The following SIPA1L1 variants were observed in gnomAD, a reference collection of about 807,000 sequenced individuals.
SIPA1L1 encodes signal-induced proliferation-associated 1-like protein 1.
Under a neutral mutation model 162.7 loss-of-function variants are expected in SIPA1L1, and 26 were observed. The observed-to-expected ratio is 0.16, with a 90% CI of 0.12 to 0.22. The LOEUF (loss-of-function observed/expected upper bound fraction) is 0.22. SIPA1L1 is among the 10% of genes least tolerant of loss of function. SIPA1L1 has a pLI of 1.00. For synonymous variants in SIPA1L1, 829 were observed against 837.4 expected, an observed-to-expected ratio of 0.99 and a Z score of 0.17; for missense variants, 1,874 against 2,241.0, an observed-to-expected ratio of 0.84 and a Z score of 3.31.
rs199597701 is a variant in SIPA1L1 at position 71,685,624 on chromosome 14, G to C, written c.3367G>C (p.Glu1123Gln). The change falls in exon 13 of 24, where the codon GAG (glutamate) becomes CAG (glutamine). Residue 1123 changes from glutamate to glutamine, a missense_variant. This residue lies in a region of SIPA1L1 where 936 missense variants were observed against 1,051.9 expected (regional missense o/e 0.89). Coordinates refer to ENST00000381232, the MANE Select transcript of SIPA1L1 (RefSeq NM_001386936.1). ...RSISSDGRPL[E>Q]RRLSPGSDIY... ...CATCTCCAGTGACGGGCGCCCACTA[G>C]AGAGGCGGTAAGTGTGCCTTCAAAG... 3.1e-6 allele frequency: 5 copies of C among 1,614,038 alleles called. No individual in the cohort carries two copies. The highest frequency in any genetic ancestry group is 8.5e-7 in the Non-Finnish European group (1 of 1,179,966).
intron 4 of SIPA1L1, among the ~76,000 whole-genome samples, chr14:71,534,386 C>T (rs574208517): frequency 1.3e-5 from 2 of 152,250 alleles, no homozygotes; most frequent in African/African-American, 4.8e-5. Context: ...TTATTCGTGG[C>T]AGCAAATATC....
At chr14:71,431,485 G>C (rs952505580) in intron 2 of SIPA1L1, among the ~76,000 whole-genome samples, 46 of 152,190 alleles carry the variant, frequency 3.0e-4, no homozygotes, top group Admixed American at 3.0e-3. Flanking sequence ...GTGAGTCCAG[G>C]AGTTCGAGAC....
intron 4 of SIPA1L1, among the ~76,000 whole-genome samples, chr14:71,541,468 A>G (rs1207204706): frequency 6.6e-6 from 1 of 152,206 alleles, no homozygotes; most frequent in East Asian, 1.9e-4. Context: ...TTTCTATAAA[A>G]GTTAATCTCA....
chr14:71,506,860 C>T (rs546719171), intron 2 of SIPA1L1, among the ~76,000 whole-genome samples: 8 of 138,630 alleles, frequency 5.8e-5, no homozygotes, highest in East Asian at 2.1e-4. Context: ...CACAGGGTCT[C>T]GTCTTGTTGC....
intron 7 of SIPA1L1, among the ~76,000 whole-genome samples, chr14:71,643,404 T>G (rs1233132027): frequency 6.6e-6 from 1 of 152,188 alleles, no homozygotes; most frequent in Non-Finnish European, 1.5e-5. Flanking sequence ...AAGTTAAAGA[T>G]CCCAAAGAGC....
At chr14:71,351,913 G>A (rs2036751679) in intron 2 of SIPA1L1, among the ~76,000 whole-genome samples, 1 of 151,334 alleles carries the variant, frequency 6.6e-6, no homozygotes, top group South Asian at 2.1e-4. Flanking sequence ...TGTGTTCATG[G>A]AACTCACAGG....
chr14:71,468,221 T>G (rs942617807), intron 2 of SIPA1L1, among the ~76,000 whole-genome samples: 4 of 152,222 alleles, frequency 2.6e-5, no homozygotes, highest in Non-Finnish European at 5.9e-5. Context: ...GTCTCTACTT[T>G]AAAAGCTAGA....
intron 5 of SIPA1L1, among the ~76,000 whole-genome samples, chr14:71,610,332 A>T (rs1376976522): frequency 7.2e-5 from 11 of 152,226 alleles, no homozygotes; most frequent in Admixed American, 7.2e-4. Flanking sequence ...AATTATTTCC[A>T]TAAGGTGGAG....
intron 12 of SIPA1L1, among the ~76,000 whole-genome samples, chr14:71,673,586 T>C (rs982792608): frequency 2.6e-5 from 4 of 152,172 alleles, no homozygotes; most frequent in Non-Finnish European, 5.9e-5. Context: ...GCAGCAAATA[T>C]ATATGTGTGT....
intron 2 of SIPA1L1, among the ~76,000 whole-genome samples, chr14:71,508,356 C>G (rs1338535579): frequency 6.6e-6 from 1 of 152,150 alleles, no homozygotes; most frequent in African/African-American, 2.4e-5. Flanking sequence ...CCATTTTTCT[C>G]TTGTTTCTTT....
At chr14:71,732,308 G>A (rs573219980) in intron 20 of SIPA1L1, among the ~76,000 whole-genome samples, 1 of 152,302 alleles carries the variant, frequency 6.6e-6, no homozygotes, top group South Asian at 2.1e-4. Context: ...TTCTAGCTGA[G>A]CATTTAGCTT....
At chr14:71,554,047 GA>G (rs1348579005) in intron 4 of SIPA1L1, among the ~76,000 whole-genome samples, 42 of 152,222 alleles carry the variant, frequency 2.8e-4, no homozygotes, top group African/African-American at 9.6e-4. Context: ...TAAAATTAGA[GA>G]AAAAAGTTTT....
intron 2 of SIPA1L1, among the ~76,000 whole-genome samples, chr14:71,484,369 C>A (rs983930384): frequency 6.8e-6 from 1 of 147,354 alleles, no homozygotes; most frequent in African/African-American, 2.5e-5. Flanking sequence ...AATCTAGCTA[C>A]TTAAATATTT....
intron 19 of SIPA1L1, among the ~76,000 whole-genome samples, chr14:71,725,140 C>A (rs1408115012): frequency 6.6e-6 from 1 of 152,210 alleles, no homozygotes; most frequent in Non-Finnish European, 1.5e-5. Context: ...GATATGACTT[C>A]TTGGAAACTG....
intron 2 of SIPA1L1, among the ~76,000 whole-genome samples, chr14:71,373,229 T>G (rs1282791124): frequency 6.6e-6 from 1 of 150,500 alleles, no homozygotes; most frequent in Non-Finnish European, 1.5e-5. Context: ...GAGAATCACT[T>G]GAACCCGGGA....
At chr14:71,435,638 G>A (rs1295905549) in intron 2 of SIPA1L1, among the ~76,000 whole-genome samples, 2 of 152,160 alleles carry the variant, frequency 1.3e-5, no homozygotes, top group South Asian at 2.1e-4. Flanking sequence ...ATAAACATAC[G>A]TGTGCATGTG....
intron 2 of SIPA1L1, among the ~76,000 whole-genome samples, chr14:71,400,271 A>G (rs542887006): frequency 1.5e-4 from 23 of 152,224 alleles, no homozygotes; most frequent in Admixed American, 9.8e-4. Flanking sequence ...TCTCTGGGGG[A>G]TTAGGACTAT....
chr14:71,391,267 G>A (rs946123379), intron 2 of SIPA1L1, among the ~76,000 whole-genome samples: 1 of 151,874 alleles, frequency 6.6e-6, no homozygotes, highest in Non-Finnish European at 1.5e-5. Flanking sequence ...CCACACGCCC[G>A]GCTAATTTTT....
chr14:71,445,735 A>C (rs2045297598), intron 2 of SIPA1L1, among the ~76,000 whole-genome samples: 1 of 152,262 alleles, frequency 6.6e-6, no homozygotes, highest in Admixed American at 6.5e-5. Flanking sequence ...TACTTTTGCA[A>C]AATACATCTT....
Sources: gnomAD v4.1 joint callset for allele counts (sites outside exome capture counted in the v4.1 genomes callset) on GRCh38, gnomAD v4.1.1 for gene constraint, gnomAD v4.1.1 regional missense constraint, MANE v1.5 for transcripts, NCBI Gene and HGNC (gene_info 2026-07-23, HGNC 2026-07-21) for gene names.